The following AKR1E2 variants were observed in gnomAD, a reference collection of about 807,000 sequenced individuals.
AKR1E2 encodes 1,5-anhydro-D-fructose reductase.
In AKR1E2, 43 loss-of-function variants were observed where a neutral mutation model predicts 41.9. The observed-to-expected ratio is 1.03, with a 90% CI of 0.80 to 1.32. AKR1E2 has a LOEUF of 1.32. Among genes scored for constraint, AKR1E2 ranks in the 40% most tolerant of loss-of-function variants. AKR1E2 has a pLI of 0.00. For missense variants in AKR1E2, 423 were observed against 396.5 expected (o/e 1.07, Z -0.57); for synonymous variants, 121 against 138.9 (o/e 0.87, Z 0.91).
chr10:4,837,733 C>G, intron 5 of AKR1E2, 152 bp downstream of exon 5: 1 of 1,279,902 alleles, frequency 7.8e-7, no homozygotes, highest in East Asian at 2.6e-5. Context: ...TTAAAGGCAG[C>G]AGCTAGGCAA....
chr10:4,833,303 C>T, intron 2 of AKR1E2, 47 bp from the exon 3 acceptor site: 1 of 1,477,058 alleles, frequency 6.8e-7, no homozygotes, highest in Non-Finnish European at 9.5e-7. Flanking sequence ...GGGTGCCATG[C>T]TGGCTCTGGG....
At chr10:4,854,739 C>T in the AKR1E2 span, among the ~76,000 whole-genome samples, 1 of 152,120 alleles carries the variant, frequency 6.6e-6, no homozygotes, top group South Asian at 2.1e-4. Context: ...GATTTGGTAG[C>T]AGGCCTAACT....
chr10:4,850,767 GA>G (rs1834505929), downstream of AKR1E2, among the ~76,000 whole-genome samples: 1 of 152,148 alleles, frequency 6.6e-6, no homozygotes, highest in Non-Finnish European at 1.5e-5. Context: ...GCATTCCTAT[GA>G]GTTCACTGTG....
chr10:4,831,846 T>C (rs1292367222), intron 2 of AKR1E2, among the ~76,000 whole-genome samples: 2 of 152,128 alleles, frequency 1.3e-5, no homozygotes, highest in East Asian at 3.9e-4. Flanking sequence ...TAGGGCAGCT[T>C]GTATCATATG....
At chr10:4,847,325 A>G (rs753173512) in intron 9 of AKR1E2, 95 bp downstream of exon 9, 51 of 1,579,378 alleles carry the variant, frequency 3.2e-5, no homozygotes, top group Non-Finnish European at 4.0e-5. Context: ...ATTTTAGATT[A>G]ATTAAACTTT....
intron 8 of AKR1E2, among the ~76,000 whole-genome samples, chr10:4,844,814 T>C (rs1236629194): frequency 6.6e-6 from 1 of 152,204 alleles, no homozygotes; most frequent in East Asian, 1.9e-4. Context: ...ACATAAAGGT[T>C]TTCCAAGTCC....
At chr10:4,844,285 C>T (rs897816585) in intron 8 of AKR1E2, among the ~76,000 whole-genome samples, 2 of 152,010 alleles carry the variant, frequency 1.3e-5, no homozygotes, top group African/African-American at 4.8e-5. Context: ...GTTCGTTCCT[C>T]CCGGTGGGTT....
In AKR1E2 at chr10:4,833,372, A is replaced by C; in HGVS notation, c.230A>C (p.Lys77Thr). The change falls in exon 3 of 10, where the codon AAG (lysine) becomes ACG (threonine). Residue 77 changes from lysine to threonine, a missense_variant. Coordinates refer to ENST00000298375, the MANE Select transcript of AKR1E2 (RefSeq NM_001040177.3). ...ATKLWCTCHK[K>T]SLVETACRKS... ...TAGCTGTGGTGCACCTGCCATAAGA[A>C]GTCCTTGGTGGAAACAGCATGCAGA... The C allele has an allele frequency of 1.2e-6, 2 of 1,614,138 alleles. No individual in the cohort carries two copies. The highest frequency in any genetic ancestry group is 1.7e-6 in the Non-Finnish European group (2 of 1,179,992).
chr10:4,866,070 A>G, the AKR1E2 span, among the ~76,000 whole-genome samples: 1 of 152,212 alleles, frequency 6.6e-6, no homozygotes, highest in Non-Finnish European at 1.5e-5. Flanking sequence ...TCTGTCATTC[A>G]GTTTCAGAGA....
downstream of AKR1E2, among the ~76,000 whole-genome samples, chr10:4,851,659 G>C (rs7912440): frequency 0.85 from 129,916 of 152,190 alleles, 56,261 homozygotes; most frequent in Middle Eastern, 0.93. Flanking sequence ...GGTTTTAACT[G>C]AATCTTCACA....
rs1588423019 is a variant in AKR1E2 at position 4,826,343 on chromosome 10, G to C, written c.19G>C (p.Val7Leu). The C allele has an allele frequency of 8.1e-7, 1 of 1,234,932 alleles. No homozygotes were observed. Among genetic ancestry groups the C allele is most frequent in the Non-Finnish European group, 1.0e-6 (1 of 987,522 alleles). 76.5% of individuals were successfully genotyped at this position (1,234,932 alleles called of 1,614,324 possible). ...GGCGGCCATGGGAGATATCCCAGCCGTGGGCCTCAGCTCCTGGAAGGTGAC... is the reference window on the plus strand; with the variant it reads ...GGCGGCCATGGGAGATATCCCAGCCCTGGGCCTCAGCTCCTGGAAGGTGAC... The part of the protein sequence containing the change: MGDIPA[V>L]GLSSWKASPG... The change falls in exon 1 of 10, where the codon GTG becomes CTG. Residue 7 changes from valine (V) to leucine (L), a missense_variant. Physicochemically the swap from Val to Leu is conservative, Grantham distance 32 (BLOSUM62 1). Coordinates refer to ENST00000298375, the MANE Select transcript of AKR1E2 (RefSeq NM_001040177.3).
At chr10:4,837,632 G>A in intron 5 of AKR1E2, 51 bp downstream of exon 5, 2 of 1,587,438 alleles carry the variant, frequency 1.3e-6, no homozygotes, top group Non-Finnish European at 1.7e-6. Flanking sequence ...TGGTCCCCCA[G>A]CTGCCACCTC....
At chr10:4,850,627 A>T (rs1834503555), downstream of AKR1E2, among the ~76,000 whole-genome samples, 1 of 152,074 alleles carries the variant, frequency 6.6e-6, no homozygotes, top group Non-Finnish European at 1.5e-5. Context: ...TGTTGTTGTT[A>T]CAGCTGTTTT....
At chr10:4,858,262 T>C in the AKR1E2 span, among the ~76,000 whole-genome samples, 1 of 152,288 alleles carries the variant, frequency 6.6e-6, no homozygotes, top group South Asian at 2.1e-4. Flanking sequence ...ATTTGAAAAT[T>C]GGAGTCAGTA....
chr10:4,843,118 A>G (rs1341560329), intron 8 of AKR1E2, among the ~76,000 whole-genome samples: 12 of 152,126 alleles, frequency 7.9e-5, no homozygotes, highest in African/African-American at 2.7e-4. Flanking sequence ...TGTGAAATCT[A>G]TTTTTGGAGC....
At chr10:4,863,292 C>T in the AKR1E2 span, among the ~76,000 whole-genome samples, 29 of 152,118 alleles carry the variant, frequency 1.9e-4, no homozygotes, top group Non-Finnish European at 3.5e-4. Flanking sequence ...AACTAGAACT[C>T]AGGATTAAGA....
intron 1 of AKR1E2, 68 bp from the exon 2 acceptor site, chr10:4,830,602 CTTGGG>C: frequency 6.4e-7 from 1 of 1,560,808 alleles, no homozygotes; most frequent in South Asian, 1.2e-5. Flanking sequence ...TGTCCACATG[CTTGGG>C]TGAAAGGGGA....
intron 4 of AKR1E2, among the ~76,000 whole-genome samples, chr10:4,836,878 C>T (rs949106471): frequency 2.0e-5 from 3 of 152,196 alleles, no homozygotes; most frequent in East Asian, 1.9e-4. Flanking sequence ...GACCCTGGCA[C>T]GAAGCTATGC....
the AKR1E2 span, among the ~76,000 whole-genome samples, chr10:4,870,071 A>G: frequency 0.11 from 16,505 of 152,062 alleles, 985 homozygotes; most frequent in Middle Eastern, 0.15. Flanking sequence ...AATTTGATTA[A>G]TACATAGCAT....
Sources: gnomAD v4.1 joint callset for allele counts (sites outside exome capture counted in the v4.1 genomes callset) on GRCh38, gnomAD v4.1.1 for gene constraint, MANE v1.5 for transcripts, NCBI Gene and HGNC (gene_info 2026-07-23, HGNC 2026-07-21) for gene names.